The following CPED1 variants were observed in gnomAD, a reference collection of about 807,000 sequenced individuals.
CPED1 encodes cadherin-like and PC-esterase domain-containing protein 1.
Under a neutral mutation model 128.2 loss-of-function variants are expected in CPED1, and 114 were observed. That is an observed-to-expected ratio of 0.89 (90% CI 0.76 to 1.04). The LOEUF (loss-of-function observed/expected upper bound fraction) is 1.04. CPED1 is among the 50% of genes least tolerant of loss of function. The probability of loss-of-function intolerance (pLI) is 0.00; values close to 1 mark genes in which losing one functional copy is unlikely to be tolerated. For missense variants in CPED1, 1,211 were observed against 1,207.1 expected (o/e 1.00, Z -0.05); for synonymous variants, 462 against 426.7 (o/e 1.08, Z -1.02).
intron 16 of CPED1, among the ~76,000 whole-genome samples, chr7:121,198,271 T>A (rs1361988169): frequency 1.3e-5 from 2 of 152,172 alleles, no homozygotes; most frequent in Non-Finnish European, 2.9e-5. Context: ...AAGGCTTTTT[T>A]ATTCAAATAT....
chr7:121,030,574 G>A (rs374433547), intron 3 of CPED1, among the ~76,000 whole-genome samples: 1 of 152,072 alleles, frequency 6.6e-6, no homozygotes, highest in African/African-American at 2.4e-5. Flanking sequence ...TTATCAGATC[G>A]ACTTTCGTCT....
chr7:121,271,238 C>T (rs770820698), intron 21 of CPED1, 46 bp from the exon 22 acceptor site: 1 of 1,507,824 alleles, frequency 6.6e-7, no homozygotes, highest in East Asian at 2.3e-5. Flanking sequence ...AATCATAAAA[C>T]AATCCTCTGG....
intron 16 of CPED1, chr7:121,149,503 G>C (rs1027429226): frequency 6.6e-6 from 1 of 152,202 alleles, no homozygotes; most frequent in African/African-American, 2.4e-5. Flanking sequence ...CCACACATTT[G>C]TTTTGCATGT....
intron 2 of CPED1, among the ~76,000 whole-genome samples, chr7:121,001,340 T>C (rs1791850863): frequency 6.6e-6 from 1 of 152,144 alleles, no homozygotes; most frequent in Non-Finnish European, 1.5e-5. Flanking sequence ...ATATTTTAGT[T>C]CTTTTCATAG....
intron 22 of CPED1, among the ~76,000 whole-genome samples, chr7:121,276,276 C>T (rs1792327289): frequency 2.0e-5 from 3 of 152,100 alleles, no homozygotes. Flanking sequence ...TAAACTAGAG[C>T]TATCTTCGAC....
chr7:121,247,839 C>G (rs764433513), intron 18 of CPED1, among the ~76,000 whole-genome samples: 1 of 152,168 alleles, frequency 6.6e-6, no homozygotes, highest in African/African-American at 2.4e-5. Flanking sequence ...TCCCTATCTC[C>G]CTCCAAGAAG....
At chr7:121,152,818 T>C (rs540328524) in intron 16 of CPED1, among the ~76,000 whole-genome samples, 23 of 152,328 alleles carry the variant, frequency 1.5e-4, no homozygotes, top group Admixed American at 1.3e-3. Context: ...GATACAAAAA[T>C]ATGAAGGACT....
At chr7:121,195,483 A>G (rs1372406026) in intron 16 of CPED1, among the ~76,000 whole-genome samples, 1 of 152,166 alleles carries the variant, frequency 6.6e-6, no homozygotes, top group Non-Finnish European at 1.5e-5. Flanking sequence ...ATTTTAAGTC[A>G]AAGGAGAAGT....
chr7:121,089,466 A>T (rs1482700749), intron 5 of CPED1, among the ~76,000 whole-genome samples: 2 of 152,214 alleles, frequency 1.3e-5, no homozygotes, highest in East Asian at 3.9e-4. Flanking sequence ...GCCATTAAGT[A>T]AAAGATATAT....
At chr7:121,057,066 C>T (rs572190849) in intron 4 of CPED1, among the ~76,000 whole-genome samples, 10 of 152,040 alleles carry the variant, frequency 6.6e-5, no homozygotes, top group Non-Finnish European at 1.0e-4. Flanking sequence ...AAATCTCCAC[C>T]TCCCAGGTTC....
At chr7:121,020,637 A>G (rs973609925) in intron 3 of CPED1, among the ~76,000 whole-genome samples, 3 of 151,942 alleles carry the variant, frequency 2.0e-5, no homozygotes, top group African/African-American at 7.2e-5. Context: ...ACAATAAAAT[A>G]TATAATAACA....
chr7:121,046,352 C>T (rs934434694), intron 3 of CPED1, among the ~76,000 whole-genome samples: 1 of 151,744 alleles, frequency 6.6e-6, no homozygotes, highest in African/African-American at 2.4e-5. Context: ...TTAATTTTCT[C>T]TCTATTACAA....
intron 3 of CPED1, among the ~76,000 whole-genome samples, chr7:121,025,140 C>G (rs78691852): frequency 6.6e-6 from 1 of 152,058 alleles, no homozygotes; most frequent in East Asian, 1.9e-4. Flanking sequence ...TTAACATTTT[C>G]CCCTGAAGGT....
At chr7:121,232,579 T>G (rs1798162783) in intron 16 of CPED1, among the ~76,000 whole-genome samples, 1 of 152,072 alleles carries the variant, frequency 6.6e-6, no homozygotes, top group African/African-American at 2.4e-5. Flanking sequence ...TAAGAGTGAA[T>G]TTATCTCCCC....
At chr7:121,159,161 C>T (rs548718691) in intron 16 of CPED1, among the ~76,000 whole-genome samples, 76 of 152,136 alleles carry the variant, frequency 5.0e-4, no homozygotes, top group African/African-American at 1.7e-3. Context: ...TAAATATATT[C>T]GACTTCAAAA....
At chr7:121,282,908 G>C (rs1171328275) in intron 22 of CPED1, among the ~76,000 whole-genome samples, 1 of 152,062 alleles carries the variant, frequency 6.6e-6, no homozygotes, top group Non-Finnish European at 1.5e-5. Context: ...TCCTGACACA[G>C]ACAACTCTGA....
intron 16 of CPED1, among the ~76,000 whole-genome samples, chr7:121,194,130 C>T (rs1034706533): frequency 1.4e-5 from 2 of 147,172 alleles, no homozygotes; most frequent in South Asian, 2.2e-4. Context: ...TTACTGCAAC[C>T]TCTGCCTCCC....
At chr7:121,224,748 T>G (rs2116631700) in intron 16 of CPED1, among the ~76,000 whole-genome samples, 1 of 151,764 alleles carries the variant, frequency 6.6e-6, no homozygotes, top group South Asian at 2.1e-4. Flanking sequence ...TTTGTTGGTT[T>G]AAAGTCTATT....
chr7:121,217,811 A>G (rs915809962), intron 16 of CPED1, among the ~76,000 whole-genome samples: 4 of 152,044 alleles, frequency 2.6e-5, no homozygotes, highest in African/African-American at 7.2e-5. Flanking sequence ...GTGACTGGAG[A>G]AAAGTAGAAC....
Sources: gnomAD v4.1 joint callset for allele counts (sites outside exome capture counted in the v4.1 genomes callset) on GRCh38, gnomAD v4.1.1 for gene constraint, MANE v1.5 for transcripts, NCBI Gene and HGNC (gene_info 2026-07-23, HGNC 2026-07-21) for gene names.